The following LHFPL2 variants were observed in gnomAD, a reference collection of about 807,000 sequenced individuals.
The protein encoded by LHFPL2 is LHFPL tetraspan subfamily member 2.
Under a neutral mutation model 17.5 loss-of-function variants are expected in LHFPL2, and 7 were observed. The ratio of observed to expected loss-of-function variants is 0.40; its 90% CI spans 0.23 to 0.75. The LOEUF (loss-of-function observed/expected upper bound fraction) is 0.75, where lower values mean the gene tolerates loss of function less well. LHFPL2 is among the 30% of genes least tolerant of loss of function. The pLI is 0.37. For missense variants in LHFPL2, 241 were observed against 294.8 expected, an observed-to-expected ratio of 0.82 and a Z score of 1.34; for synonymous variants, 134 against 116.2, an observed-to-expected ratio of 1.15 and a Z score of -0.99.
intron 2 of LHFPL2, among the ~76,000 whole-genome samples, chr5:78,629,422 G>T (rs1030198544): frequency 6.6e-6 from 1 of 152,204 alleles, no homozygotes; most frequent in African/African-American, 2.4e-5. Flanking sequence ...GTAAATGGTG[G>T]TTCCTAAATT....
Position 78,577,419 on chromosome 5 carries a change from T to G in LHFPL2, c.-244-12548A>C, listed in dbSNP as rs563920427. Among the ~76,000 whole-genome samples the G allele has an allele frequency of 1.1e-3, 163 of 152,346 alleles. 1 individual carries two copies. Among genetic ancestry groups the G allele is most frequent in the Admixed American group, 4.8e-3 (73 of 15,304 alleles). On this transcript the variant is annotated intron_variant, in intron 2 of 4. Transcript: ENST00000380345. ...ATTGGTATCTTGACTTGTGATTTTA[T>G]TTCCTTCAGAGTCAAAGGGGGCTGT...
chr5:78,510,062 C>T lies in LHFPL2; in HGVS notation c.152G>A (p.Gly51Glu), dbSNP rs376338962. ...RGGVEPAGPG[G>E]GSPEPYHPTL... is the part of the protein sequence containing the mutation. ...GGGGTGGTAGGGCTCCGGGGAGCCC[C>T]CGCCCGGGCCCGCCGGCTCCACGCC... Residue 51 changes from glycine (G) to glutamate (E), a missense_variant, in exon 4 of 5, where the codon GGG (glycine) becomes GAG (glutamate). Physicochemically the swap from Gly to Glu is moderately conservative, Grantham distance 98 (BLOSUM62 -2). Coordinates refer to ENST00000380345, the MANE Select transcript of LHFPL2 (RefSeq NM_005779.3). 1.2e-5 allele frequency: 20 copies of T among 1,609,980 alleles called. No individual in the cohort carries two copies. In the African/African-American group the frequency reaches 2.4e-4, roughly 19 times the overall value.
intron 2 of LHFPL2, among the ~76,000 whole-genome samples, chr5:78,592,784 TACAC>T (rs370959500): frequency 7.1e-6 from 1 of 140,208 alleles, no homozygotes; most frequent in African/African-American, 2.9e-5. Context: ...AAAATTCAGA[TACAC>T]ACACACACAC....
chr5:78,575,124 G>A (rs201507954), intron 2 of LHFPL2, among the ~76,000 whole-genome samples: 1 of 152,194 alleles, frequency 6.6e-6, no homozygotes, highest in Admixed American at 6.5e-5. Flanking sequence ...CAGGGACCAC[G>A]TGGCAAGAAG....
intron 2 of LHFPL2, among the ~76,000 whole-genome samples, chr5:78,609,431 A>T (rs1227700422): frequency 2.8e-5 from 4 of 144,202 alleles, no homozygotes; most frequent in African/African-American, 1.1e-4. Context: ...AGCCTGGGAA[A>T]CAGAGCGAGA....
Position 78,648,058 on chromosome 5 carries a change from G to C in LHFPL2, c.-350+441C>G, listed in dbSNP as rs772937411. Among the ~76,000 whole-genome samples, 24 of 152,144 alleles carry C rather than the reference G, an allele frequency of 1.6e-4. No homozygotes were observed. The highest frequency in any genetic ancestry group is 3.2e-4 in the Non-Finnish European group (22 of 68,014). On this transcript the variant is annotated intron_variant, in intron 1 of 4. Transcript: ENST00000380345. This position sits in a 1 kb window ranked among gnomAD's most constrained non-coding sequence, Gnocchi z 5.4. The stretch of plus-strand genomic sequence containing the variant: ...AGAGTGACCCACACGCCACGGACCA[G>C]GGACAGCAGGGGCGACCACGGGGCG...
At chr5:78,518,776 G>C (rs1157336901) in intron 3 of LHFPL2, among the ~76,000 whole-genome samples, 1 of 152,180 alleles carries the variant, frequency 6.6e-6, no homozygotes, top group African/African-American at 2.4e-5. Context: ...TAAAAAGTCT[G>C]AACTCTTGTA....
intron 1 of LHFPL2, among the ~76,000 whole-genome samples, chr5:78,645,836 C>T (rs1745856780): frequency 6.6e-6 from 1 of 152,122 alleles, no homozygotes; most frequent in Non-Finnish European, 1.5e-5. Flanking sequence ...CCACCTCAGC[C>T]CCCCAAAGTG....
chr5:78,604,244 G>A (rs1365654154), intron 2 of LHFPL2, among the ~76,000 whole-genome samples: 5 of 152,160 alleles, frequency 3.3e-5, no homozygotes, highest in Non-Finnish European at 5.9e-5. Context: ...TTGGGAGGCC[G>A]AGGCAGGCGG....
chr5:78,514,623 C>T (rs1260013917), intron 3 of LHFPL2, among the ~76,000 whole-genome samples: 1 of 152,286 alleles, frequency 6.6e-6, no homozygotes, highest in East Asian at 1.9e-4. Flanking sequence ...CCACCCAGTG[C>T]CCGCCGGCTG....
At chr5:78,558,234 T>A (rs376476232) in intron 3 of LHFPL2, among the ~76,000 whole-genome samples, 2 of 152,154 alleles carry the variant, frequency 1.3e-5, no homozygotes, top group African/African-American at 4.8e-5. Flanking sequence ...ACAAGCTTCA[T>A]ATAAAAGCAT....
rs76767956 is a variant in LHFPL2 at position 78,570,956 on chromosome 5, T to G, written c.-244-6085A>C. 7.9e-3 allele frequency among the ~76,000 whole-genome samples: 1,200 copies of G among 152,098 alleles called. 14 individuals carry two copies. The highest frequency in any genetic ancestry group is 0.026 in the African/African-American group (1,064 of 41,478). The stretch of plus-strand genomic sequence containing the variant: ...TAAGCTTTAAGTAATAACAGACCAA[T>G]GTTTCTGAAAAGCAGATGCCAAGAT... On this transcript the variant is annotated intron_variant, in intron 2 of 4. Coordinates refer to ENST00000380345, the MANE Select transcript of LHFPL2 (RefSeq NM_005779.3).
chr5:78,534,822 A>AT (rs959838049), intron 3 of LHFPL2, among the ~76,000 whole-genome samples: 5 of 152,132 alleles, frequency 3.3e-5, no homozygotes, highest in Non-Finnish European at 5.9e-5. Context: ...GTCCTGGCAA[A>AT]ACTCCCCGGA....
At chr5:78,581,382 G>C (rs1743131618) in intron 2 of LHFPL2, among the ~76,000 whole-genome samples, 2 of 152,124 alleles carry the variant, frequency 1.3e-5, no homozygotes, top group African/African-American at 2.4e-5. Context: ...TTTTCAAAGG[G>C]AATGCTTCCA....
rs991592478 is a variant in LHFPL2 at position 78,517,152 on chromosome 5, C to G, written c.-185-6754G>C. On this transcript the variant is annotated intron_variant, in intron 3 of 4. Coordinates refer to ENST00000380345, the MANE Select transcript of LHFPL2 (RefSeq NM_005779.3). The stretch of plus-strand genomic sequence containing the variant: ...TCAGGCATTCTGATTCTTACCTGAC[C>G]CCTCTTAAACATGCTTCTTTTCCCC... Among the ~76,000 whole-genome samples, 46 of 151,974 alleles carry G rather than the reference C, an allele frequency of 3.0e-4. 1 individual carries two copies. The highest frequency in any genetic ancestry group is 2.6e-3 in the Admixed American group (39 of 15,270).
intron 2 of LHFPL2, among the ~76,000 whole-genome samples, chr5:78,593,041 G>C (rs899034921): frequency 6.6e-6 from 1 of 152,132 alleles, no homozygotes; most frequent in African/African-American, 2.4e-5. Context: ...AAAGCCAACA[G>C]GTGCTCCCAT....
At chr5:78,607,677 C>T (rs1002397602) in intron 2 of LHFPL2, among the ~76,000 whole-genome samples, 9 of 152,278 alleles carry the variant, frequency 5.9e-5, no homozygotes, top group African/African-American at 2.2e-4. Context: ...CAAAAGTCAG[C>T]ATGAAAAGTC....
At chr5:78,553,320 T>C (rs1316797535) in intron 3 of LHFPL2, among the ~76,000 whole-genome samples, 3 of 152,170 alleles carry the variant, frequency 2.0e-5, no homozygotes, top group African/African-American at 7.2e-5. Flanking sequence ...AATTGAGAAG[T>C]CATGGCTCCA....
chr5:78,647,108 AG>A (rs1745914149), intron 1 of LHFPL2, among the ~76,000 whole-genome samples: 1 of 152,272 alleles, frequency 6.6e-6, no homozygotes. Context: ...CTTCAAAATC[AG>A]AATCAGATTT....
Sources: gnomAD v4.1 joint callset for allele counts (sites outside exome capture counted in the v4.1 genomes callset) on GRCh38, gnomAD v4.1.1 for gene constraint, Gnocchi (gnomAD v3.1) non-coding constraint, MANE v1.5 for transcripts, NCBI Gene and HGNC (gene_info 2026-07-23, HGNC 2026-07-21) for gene names.